RBFOX1: variants seen among roughly 807,000 people sequenced by gnomAD.
The protein encoded by RBFOX1 is RNA binding fox-1 homolog 1, also known as RNA binding protein fox-1 homolog 1.
In RBFOX1, 8 loss-of-function variants were observed where a neutral mutation model predicts 57.7. The ratio of observed to expected loss-of-function variants is 0.14; its 90% CI spans 0.08 to 0.25. RBFOX1 has a LOEUF of 0.25. Ranked by LOEUF, RBFOX1 falls within the 10% of genes least tolerant of loss-of-function variation. The pLI, the probability that RBFOX1 is intolerant of heterozygous loss-of-function variation, is 1.00. For missense variants in RBFOX1, 611 were observed against 548.5 expected (o/e 1.11, Z -1.14); for synonymous variants, 326 against 222.4 (o/e 1.47, Z -4.15).
chr16:6,811,206 C>G (rs1474928730), intron 3 of RBFOX1, among the ~76,000 whole-genome samples: 2 of 152,072 alleles, frequency 1.3e-5, no homozygotes, highest in Non-Finnish European at 2.9e-5. Context: ...AGAGACCTGC[C>G]TTTGCAGGAA....
chr16:6,828,480 C>G (rs1451790919), intron 3 of RBFOX1, among the ~76,000 whole-genome samples: 2 of 151,662 alleles, frequency 1.3e-5, no homozygotes. Flanking sequence ...GTCGACATCA[C>G]GCCATTGCAC....
At chr16:7,641,772 G>T (rs189026416) in intron 11 of RBFOX1, among the ~76,000 whole-genome samples, 1 of 152,128 alleles carries the variant, frequency 6.6e-6, no homozygotes, top group South Asian at 2.1e-4. Context: ...AAACTGTCAC[G>T]GTAGACTAGT....
intron 8 of RBFOX1, among the ~76,000 whole-genome samples, chr16:7,596,904 C>G (rs2094730039): frequency 6.6e-6 from 1 of 152,168 alleles, no homozygotes. Context: ...TGGTTCTTTC[C>G]TCCTAAAGTG....
intron 3 of RBFOX1, among the ~76,000 whole-genome samples, chr16:5,796,566 C>CTGATGATGA (rs5815269): frequency 1.3e-5 from 2 of 151,528 alleles, no homozygotes; most frequent in Admixed American, 6.6e-5. Context: ...TCTCCACACC[C>CTGATGATGA]TGATGATGAT....
Position 7,573,825 on chromosome 16 carries a change from A to C in RBFOX1, c.271-5952A>C, listed in dbSNP as rs113161537. Among the ~76,000 whole-genome samples, 6 of 137,084 alleles carry C rather than the reference A, an allele frequency of 4.4e-5. No homozygotes were observed. The South Asian group carries it at 1.5e-3, about 34-fold the overall frequency. 89.9% of individuals were successfully genotyped at this position (137,084 alleles called of 152,430 possible). A position where few individuals can be genotyped will look rare whatever the true frequency, so the allele number is the denominator to read the frequency against. The stretch of plus-strand genomic sequence containing the variant: ...ACTCCAGCCTGGGCAACAGAACAAG[A>C]CTCTGTCTCAAAAAAAAAAAGAGGT... On this transcript the variant is annotated intron_variant, in intron 5 of 15. Transcript: ENST00000550418.
intron 4 of RBFOX1, among the ~76,000 whole-genome samples, chr16:7,061,063 G>GA (rs2054109866): frequency 1.3e-5 from 2 of 151,504 alleles, no homozygotes; most frequent in Non-Finnish European, 2.9e-5. Context: ...CACATACAAG[G>GA]AAAAAACTGG....
chr16:5,620,999 C>A (rs1380298525), intron 3 of RBFOX1, among the ~76,000 whole-genome samples: 3 of 152,150 alleles, frequency 2.0e-5, no homozygotes, highest in African/African-American at 7.2e-5. Context: ...CGCCACCACG[C>A]CCAGCTAATT....
intron 3 of RBFOX1, among the ~76,000 whole-genome samples, chr16:5,743,706 G>A (rs2052866789): frequency 6.6e-6 from 1 of 151,982 alleles, no homozygotes; most frequent in South Asian, 2.1e-4. Flanking sequence ...GATCTGCCTT[G>A]TAACAAATTT....
At chr16:7,204,987 C>G (rs376743365) in intron 4 of RBFOX1, among the ~76,000 whole-genome samples, 21 of 152,256 alleles carry the variant, frequency 1.4e-4, no homozygotes, top group African/African-American at 5.1e-4. Flanking sequence ...TTGTGACTTT[C>G]TCTTTATCCT....
intron 4 of RBFOX1, among the ~76,000 whole-genome samples, chr16:5,920,468 G>C (rs2058797400): frequency 6.6e-6 from 1 of 152,138 alleles, no homozygotes; most frequent in African/African-American, 2.4e-5. Context: ...TGTATACCTA[G>C]GAGTGGAATT....
intron 4 of RBFOX1, among the ~76,000 whole-genome samples, chr16:7,451,110 C>T (rs1191000244): frequency 6.6e-6 from 1 of 152,104 alleles, no homozygotes; most frequent in Admixed American, 6.5e-5. Context: ...AGGGTTAAGG[C>T]TCTGGAGGGA....
At chr16:6,787,248 C>G (rs1007418483) in intron 3 of RBFOX1, among the ~76,000 whole-genome samples, 3 of 152,076 alleles carry the variant, frequency 2.0e-5, no homozygotes, top group Non-Finnish European at 4.4e-5. Context: ...TATGCAGTTC[C>G]CTAACTGATC....
chr16:7,471,312 G>T (rs1227612399), intron 4 of RBFOX1, among the ~76,000 whole-genome samples: 3 of 152,122 alleles, frequency 2.0e-5, no homozygotes, highest in Non-Finnish European at 4.4e-5. Flanking sequence ...AAAATACCTT[G>T]TGAGTATATC....
intron 1 of RBFOX1, among the ~76,000 whole-genome samples, chr16:5,381,794 C>T (rs1596758973): frequency 6.6e-6 from 1 of 152,336 alleles, no homozygotes; most frequent in Middle Eastern, 3.4e-3. Context: ...CCTTATTTGA[C>T]AGATGGTAGA....
chr16:5,317,998 G>A (rs966755602), intron 1 of RBFOX1, among the ~76,000 whole-genome samples: 3 of 152,222 alleles, frequency 2.0e-5, no homozygotes, highest in African/African-American at 7.2e-5. Flanking sequence ...CTGCTGAAGA[G>A]GCAGGGGAAT....
intron 5 of RBFOX1, among the ~76,000 whole-genome samples, chr16:7,555,059 G>C (rs1000299455): frequency 6.6e-6 from 1 of 152,216 alleles, no homozygotes; most frequent in Non-Finnish European, 1.5e-5. Flanking sequence ...GAATAAATCG[G>C]ATAAAGGGTA....
intron 3 of RBFOX1, among the ~76,000 whole-genome samples, chr16:7,036,481 C>T (rs1028991512): frequency 1.3e-5 from 2 of 152,122 alleles, no homozygotes; most frequent in Middle Eastern, 3.4e-3. Context: ...GAGGCTGAGG[C>T]AGGCGGATTA....
intron 4 of RBFOX1, among the ~76,000 whole-genome samples, chr16:7,400,152 T>A (rs4238882): frequency 0.67 from 102,527 of 152,002 alleles, 34,731 homozygotes; most frequent in Admixed American, 0.74. Flanking sequence ...GATTCTGCCA[T>A]TTATGCTTTG....
At chr16:6,930,943 A>T (rs2076406883) in intron 3 of RBFOX1, among the ~76,000 whole-genome samples, 1 of 151,906 alleles carries the variant, frequency 6.6e-6, no homozygotes, top group African/African-American at 2.4e-5. Context: ...TCATATATAT[A>T]TATATAGTAT....
Sources: allele counts gnomAD v4.1 joint callset (sites outside exome capture counted in the v4.1 genomes callset), GRCh38; gene constraint gnomAD v4.1.1; transcripts MANE v1.5; gene names NCBI Gene and HGNC (gene_info 2026-07-23, HGNC 2026-07-21).